Variants in GPATCH1 observed in about 807,000 individuals in gnomAD.
GPATCH1 encodes G-patch domain containing 1, also known as G patch domain-containing protein 1.
Under a neutral mutation model 114.9 loss-of-function variants are expected in GPATCH1, and 73 were observed. The observed-to-expected ratio is 0.64, with a 90% CI of 0.53 to 0.77. GPATCH1 has a LOEUF of 0.77. GPATCH1 is among the 30% of genes least tolerant of loss of function. GPATCH1 has a pLI of 0.00. For missense variants in GPATCH1, 1,058 were observed against 1,144.3 expected (o/e 0.92, Z 1.09); for synonymous variants, 391 against 428.4 (o/e 0.91, Z 1.08).
At chr19:33,117,021 C>T (rs887886029) in intron 15 of GPATCH1, among the ~76,000 whole-genome samples, 7 of 151,836 alleles carry the variant, frequency 4.6e-5, no homozygotes, top group African/African-American at 1.7e-4. Context: ...ATCGTGAGAC[C>T]CCATCTTTTA....
At chr19:33,125,315 C>A in intron 18 of GPATCH1, 113 bp downstream of exon 18, 1 of 1,085,862 alleles carries the variant, frequency 9.2e-7, no homozygotes, top group Non-Finnish European at 1.3e-6. Context: ...AGTCACAGTT[C>A]TCTCTGAGAC....
intron 17 of GPATCH1, among the ~76,000 whole-genome samples, chr19:33,123,842 C>T (rs1973011153): frequency 6.8e-6 from 1 of 148,038 alleles, no homozygotes; most frequent in African/African-American, 2.5e-5. Context: ...TGAAACTTTC[C>T]TTTTTTTTTT....
intron 11 of GPATCH1, among the ~76,000 whole-genome samples, chr19:33,111,385 GAAAAAAAAAAA>G (rs10709432): frequency 1.1e-5 from 1 of 88,146 alleles, no homozygotes; most frequent in African/African-American, 4.2e-5. Context: ...CTCCATCTCA[GAAAAAAAAAAA>G]AAAAAAAAAA....
At chr19:33,114,553 G>A in intron 15 of GPATCH1, 134 bp downstream of exon 15, 1 of 688,856 alleles carries the variant, frequency 1.5e-6, no homozygotes, top group Non-Finnish European at 2.3e-6. Flanking sequence ...AGGCCATTTG[G>A]CTTGTTTCTA....
chr19:33,118,918 A>T, intron 16 of GPATCH1, 92 bp from the exon 17 acceptor site: 2 of 715,962 alleles, frequency 2.8e-6, no homozygotes, highest in Middle Eastern at 3.8e-4. Context: ...GTGGGCAAGC[A>T]TATGTTATCT....
At chr19:33,096,040 G>A (rs1360209987) in intron 6 of GPATCH1, among the ~76,000 whole-genome samples, 167 bp from the exon 7 acceptor site, 2 of 152,236 alleles carry the variant, frequency 1.3e-5, no homozygotes, top group Non-Finnish European at 2.9e-5. Flanking sequence ...TGGAGTTGGT[G>A]TTAGCATCCT....
chr19:33,125,230 C>T (rs183880093), intron 18 of GPATCH1, 28 bp downstream of exon 18: 2 of 1,574,310 alleles, frequency 1.3e-6, no homozygotes, highest in African/African-American at 1.4e-5. Flanking sequence ...ACCCCAGGAT[C>T]AGTGTGGGGT....
chr19:33,109,566 A>C (rs1285409955), intron 10 of GPATCH1, 151 bp from the exon 11 acceptor site: 2 of 543,854 alleles, frequency 3.7e-6, no homozygotes, highest in African/African-American at 3.9e-5. Flanking sequence ...TGTCTAGTCC[A>C]CAGGGACATA....
In GPATCH1 at chr19:33,109,761, G is replaced by A; in HGVS notation, c.1330G>A (p.Glu444Lys). The stretch of plus-strand genomic sequence containing the variant: ...AGAATTTCTGTCCCAAAAAGACAAA[G>A]AGAGAATCAAAGAAATGAAGCAGGC... The part of the protein sequence containing the change: ...VLEFLSQKDK[E>K]RIKEMKQATD... Residue 444 changes from glutamate (E) to lysine (K), a missense_variant, in exon 11 of 20, where the codon GAG (glutamate) becomes AAG (lysine). Physicochemically the swap from Glu to Lys is moderately conservative, Grantham distance 56. Transcript: ENST00000170564. The A allele has an allele frequency of 1.9e-6, 3 of 1,597,380 alleles. No individual in the cohort carries two copies. The highest frequency in any genetic ancestry group is 1.7e-6 in the Non-Finnish European group (2 of 1,172,302).
Position 33,117,917 on chromosome 19 carries a change from T to G in GPATCH1, c.2289T>G (p.Asp763Glu), listed in dbSNP as rs902528276. ...GGGCCATCTTTGCCAGTTCCTCAGA[T>G]GAAAAGTCCTCATCCTCCGAGGATG... ...LFRAIFASSS[D>E]EKSSSSEDEQ... Residue 763 changes from aspartate to glutamate, a missense_variant, in exon 16 of 20, where the codon GAT becomes GAG. Asp to Glu is a conservative substitution (Grantham distance 45, BLOSUM62 2). Around this residue, in one of 3 missense-constraint regions of GPATCH1, gnomAD observed 893 missense variants for 977.4 expected, o/e 0.91. Coordinates refer to ENST00000170564, the MANE Select transcript of GPATCH1 (RefSeq NM_018025.3). 2 of 1,613,768 alleles carry G rather than the reference T, an allele frequency of 1.2e-6. No individual in the cohort carries two copies. The highest frequency in any genetic ancestry group is 1.3e-5 in the African/African-American group (1 of 74,880).
intron 5 of GPATCH1, 52 bp from the exon 6 acceptor site, chr19:33,095,710 G>T: frequency 1.5e-6 from 2 of 1,313,148 alleles, no homozygotes; most frequent in Non-Finnish European, 2.2e-6. Flanking sequence ...CCTGGTCGGG[G>T]TTTTCTATTT....
chr19:33,112,550 C>A lies in GPATCH1; in HGVS notation c.1829C>A (p.Thr610Lys). 1 of 1,613,690 alleles carries A rather than the reference C, an allele frequency of 6.2e-7. No individual in the cohort carries two copies. Among genetic ancestry groups the A allele is most frequent in the Non-Finnish European group, 8.5e-7 (1 of 1,179,636 alleles). The change falls in exon 13 of 20, where the codon ACG becomes AAG. Residue 610 changes from threonine to lysine, a missense_variant. Thr to Lys is a moderately conservative substitution (Grantham distance 78). Transcript: ENST00000170564. ...MKMFGKLTRD[T>K]FEWHPDKLLC... The stretch of plus-strand genomic sequence containing the variant: ...ATGTTTGGGAAGCTCACCCGAGACA[C>A]GTTTGAGTGGCACCCTGACAAGCTT...
chr19:33,099,603 A>C (rs1386921789), intron 8 of GPATCH1, among the ~76,000 whole-genome samples: 2 of 150,700 alleles, frequency 1.3e-5, no homozygotes, highest in African/African-American at 4.9e-5. Context: ...TACATTTTTA[A>C]ATTTTTTTTT....
intron 8 of GPATCH1, chr19:33,100,177 C>G (rs1249454295): frequency 6.6e-6 from 1 of 151,742 alleles, no homozygotes; most frequent in Non-Finnish European, 1.5e-5. Context: ...CTTCAGAATT[C>G]TTCAGAATGA....
intron 5 of GPATCH1, among the ~76,000 whole-genome samples, chr19:33,094,702 C>A (rs570175306): frequency 6.7e-4 from 102 of 152,254 alleles, no homozygotes; most frequent in African/African-American, 2.4e-3. Flanking sequence ...CCCAAGCTGT[C>A]ACAGTTTAAC....
At chr19:33,128,509 C>T (rs1312291401) in intron 19 of GPATCH1, among the ~76,000 whole-genome samples, 1 of 152,206 alleles carries the variant, frequency 6.6e-6, no homozygotes, top group Non-Finnish European at 1.5e-5. Context: ...ATCCGCCTGC[C>T]TTGGCCTCCC....
In GPATCH1 at chr19:33,088,281, T is replaced by A. The variant is rs756202266; in HGVS notation, c.208+13T>A. ...GGCTCAAAAGAAGGTATCATTTTCC[T>A]AATTGTAGCTATTATACCATTAAAG... On this transcript the variant is annotated intron_variant, in intron 2 of 19. Coordinates refer to ENST00000170564, the MANE Select transcript of GPATCH1 (RefSeq NM_018025.3). The A allele has an allele frequency of 4.5e-6, 7 of 1,571,678 alleles. No individual in the cohort carries two copies. The Admixed American group carries it at 1.3e-4, about 29-fold the overall frequency.
intron 17 of GPATCH1, among the ~76,000 whole-genome samples, chr19:33,124,035 A>G (rs6510355): frequency 0.37 from 55,762 of 151,436 alleles, 11,749 homozygotes; most frequent in South Asian, 0.61. Context: ...TGCATTTTTA[A>G]TAGAGACAGG....
At chr19:33,092,139 C>G (rs1312371867) in intron 3 of GPATCH1, among the ~76,000 whole-genome samples, 5 of 151,846 alleles carry the variant, frequency 3.3e-5, no homozygotes, top group Admixed American at 6.6e-5. Context: ...CTCTGCTTGC[C>G]AGGTTCAAGT....
Sources: gnomAD v4.1 joint callset for allele counts (sites outside exome capture counted in the v4.1 genomes callset) on GRCh38, gnomAD v4.1.1 for gene constraint, gnomAD v4.1.1 regional missense constraint, MANE v1.5 for transcripts, NCBI Gene and HGNC (gene_info 2026-07-23, HGNC 2026-07-21) for gene names.